Variants in TBC1D22B observed in about 807,000 individuals in gnomAD.
TBC1D22B encodes the protein TBC1 domain family member 22B, also known as chromosome 6 open reading frame 197.
In TBC1D22B, 32 loss-of-function variants were observed where a neutral mutation model predicts 69.1. The observed-to-expected ratio is 0.46, with a 90% confidence interval of 0.35 to 0.62. TBC1D22B has a LOEUF of 0.62. Among genes scored for constraint, TBC1D22B ranks in the 20% least tolerant of loss-of-function variants. The pLI is 0.00. For missense variants in TBC1D22B, 462 were observed against 630.9 expected (o/e 0.73, Z 2.87); for synonymous variants, 206 against 229.8 (o/e 0.90, Z 0.94).
At chr6:37,306,965 C>T (rs763355576) in intron 8 of TBC1D22B, among the ~76,000 whole-genome samples, 46 of 152,354 alleles carry the variant, frequency 3.0e-4, no homozygotes, top group Non-Finnish European at 5.9e-4. Flanking sequence ...CTCCAACCAT[C>T]TCATTGGAGT....
intron 1 of TBC1D22B, chr6:37,258,195 C>G: frequency 1.8e-6 from 1 of 560,060 alleles, no homozygotes; most frequent in Non-Finnish European, 3.2e-6. Context: ...GCGGAGGTTT[C>G]AGGAGGGGTG....
chr6:37,309,620 T>C (rs1418246520), intron 8 of TBC1D22B, among the ~76,000 whole-genome samples: 1 of 152,072 alleles, frequency 6.6e-6, no homozygotes, highest in Non-Finnish European at 1.5e-5. Context: ...TGCTCATGAA[T>C]AGGGAAAGGG....
Position 37,330,711 on chromosome 6 carries a change from A to G in TBC1D22B, c.1390-333A>G, listed in dbSNP as rs147324862. On this transcript the variant is annotated intron_variant, in intron 12 of 12. Coordinates refer to ENST00000373491, the MANE Select transcript of TBC1D22B (RefSeq NM_017772.4). Reference sequence around the variant, plus strand: ...TATGCATGTGAAGAAAAGACTGAAAATGAATACTTTAAGATTAAGAGAGGT... The same window carrying G: ...TATGCATGTGAAGAAAAGACTGAAAGTGAATACTTTAAGATTAAGAGAGGT... Among the ~76,000 whole-genome samples the G allele has an allele frequency of 4.1e-4, 62 of 152,350 alleles. No individual in the cohort carries two copies. In the East Asian group the frequency reaches 0.011, roughly 27 times the overall value.
chr6:37,319,425 G>C (rs1490436980), intron 12 of TBC1D22B, among the ~76,000 whole-genome samples: 1 of 152,238 alleles, frequency 6.6e-6, no homozygotes, highest in Non-Finnish European at 1.5e-5. Flanking sequence ...TCCCAGATCA[G>C]CTCAGGGAGG....
In TBC1D22B at chr6:37,279,551, G is replaced by A. The variant is rs755058140; in HGVS notation, c.361G>A (p.Val121Ile). Reference protein sequence around the residue: ...PERSQSTTSDVPANYKVIKSS... With the variant: ...PERSQSTTSDIPANYKVIKSS... ...ACGGTCCCAGTCAACGACATCGGAC[G>A]TCCCTGCCAACTACAAGGTCATAAA... The change falls in exon 3 of 13, where the codon GTC becomes ATC. Residue 121 changes from valine (V) to isoleucine (I), a missense_variant. Physicochemically the swap from Val to Ile is conservative, Grantham distance 29 (BLOSUM62 3). Coordinates refer to ENST00000373491, the MANE Select transcript of TBC1D22B (RefSeq NM_017772.4). 2.5e-5 allele frequency: 41 copies of A among 1,614,098 alleles called. No individual in the cohort carries two copies. The highest frequency in any genetic ancestry group is 4.5e-5 in the East Asian group (2 of 44,908).
intron 8 of TBC1D22B, among the ~76,000 whole-genome samples, chr6:37,307,562 G>A (rs1767765971): frequency 6.6e-6 from 1 of 151,960 alleles, no homozygotes; most frequent in South Asian, 2.1e-4. Flanking sequence ...CACCATATTG[G>A]CCAGGCTAGT....
chr6:37,281,375 C>T (rs957327778), intron 3 of TBC1D22B, among the ~76,000 whole-genome samples: 11 of 152,212 alleles, frequency 7.2e-5, no homozygotes, highest in African/African-American at 2.7e-4. Flanking sequence ...ATTCCCCCTA[C>T]CCACTATCTA....
At chr6:37,273,747 C>T (rs911818017) in intron 2 of TBC1D22B, among the ~76,000 whole-genome samples, 1 of 152,068 alleles carries the variant, frequency 6.6e-6, no homozygotes, top group Non-Finnish European at 1.5e-5. Flanking sequence ...AACATGGGGT[C>T]GCGTCTATGT....
chr6:37,331,806 A>C lies in TBC1D22B; in HGVS notation c.*634A>C, dbSNP rs949807806. On this transcript the variant is annotated 3_prime_UTR_variant, in exon 13 of 13. Transcript: ENST00000373491. Reference sequence around the variant, plus strand: ...TGTGTGTGGGTGTGAATGTGTATACATGCCCATCAGCATTTAGTCACATGT... The same window carrying C: ...TGTGTGTGGGTGTGAATGTGTATACCTGCCCATCAGCATTTAGTCACATGT... 2 of 152,604 alleles carry C rather than the reference A, an allele frequency of 1.3e-5. No individual in the cohort carries two copies. Among genetic ancestry groups the C allele is most frequent in the Non-Finnish European group, 2.9e-5 (2 of 68,056 alleles). 9.5% of individuals were successfully genotyped at this position (152,604 alleles called of 1,614,324 possible).
At position 37,293,170 on chromosome 6, in the gene TBC1D22B, C is replaced by T. The variant is rs1767247008; in HGVS notation, c.982+1813C>T. Among the ~76,000 whole-genome samples, 3 of 151,748 alleles carry T rather than the reference C, an allele frequency of 2.0e-5. No individual in the cohort carries two copies. The South Asian group carries it at 6.3e-4, about 32-fold the overall frequency. On this transcript the variant is annotated intron_variant, in intron 8 of 12. Transcript: ENST00000373491. ...TCGGCTCACAGCAACCTCCGCTGCCCGGGTTCAAGCGATTCTTGTGCCTCA... is the reference window on the plus strand; with the variant it reads ...TCGGCTCACAGCAACCTCCGCTGCCTGGGTTCAAGCGATTCTTGTGCCTCA...
intron 4 of TBC1D22B, 58 bp from the exon 5 acceptor site, chr6:37,282,824 G>T: frequency 1.3e-6 from 2 of 1,534,540 alleles, no homozygotes; most frequent in South Asian, 1.1e-5. Context: ...TGCTGGTTGC[G>T]GTTTGCTTTA....
At chr6:37,288,849 C>A (rs987745644) in intron 7 of TBC1D22B, among the ~76,000 whole-genome samples, 3 of 151,844 alleles carry the variant, frequency 2.0e-5, no homozygotes, top group Non-Finnish European at 4.4e-5. Context: ...TCCTGAATGA[C>A]CATTTCATCT....
chr6:37,296,115 AGTGGG>A (rs1767358256), intron 8 of TBC1D22B, among the ~76,000 whole-genome samples: 1 of 152,182 alleles, frequency 6.6e-6, no homozygotes, highest in Non-Finnish European at 1.5e-5. Context: ...TTTACTAATT[AGTGGG>A]GTGTGGTGGC....
intron 12 of TBC1D22B, among the ~76,000 whole-genome samples, chr6:37,323,654 AG>A (rs1345659516): frequency 2.0e-5 from 3 of 152,258 alleles, no homozygotes; most frequent in Admixed American, 1.3e-4. Context: ...TCAATAATAA[AG>A]TAAATGTAAA....
At chr6:37,277,322 C>A (rs77017749) in intron 2 of TBC1D22B, among the ~76,000 whole-genome samples, 8 of 152,134 alleles carry the variant, frequency 5.3e-5, no homozygotes, top group Admixed American at 5.2e-4. Context: ...TGTTTGTTCT[C>A]GACAGCGAAT....
intron 1 of TBC1D22B, among the ~76,000 whole-genome samples, chr6:37,259,617 A>G (rs1766004394): frequency 6.6e-6 from 1 of 152,134 alleles, no homozygotes; most frequent in Non-Finnish European, 1.5e-5. Context: ...TTAAAGCACT[A>G]CTTTTCTGAG....
At chr6:37,326,057 T>C (rs1768393125) in intron 12 of TBC1D22B, among the ~76,000 whole-genome samples, 1 of 152,084 alleles carries the variant, frequency 6.6e-6, no homozygotes, top group Admixed American at 6.6e-5. Context: ...ACTGGAAGAA[T>C]TGGAAATTAT....
intron 8 of TBC1D22B, 118 bp from the exon 9 acceptor site, chr6:37,312,800 A>G (rs1408380049): frequency 1.3e-6 from 1 of 750,748 alleles, no homozygotes; most frequent in Non-Finnish European, 2.3e-6. Context: ...GTTTCTTAAC[A>G]TCAGGTTAGC....
intron 8 of TBC1D22B, among the ~76,000 whole-genome samples, chr6:37,309,084 A>G (rs141214307): frequency 3.9e-5 from 6 of 152,328 alleles, no homozygotes; most frequent in African/African-American, 1.4e-4. Flanking sequence ...AGCACTTTTC[A>G]TATATTAACT....
Sources: allele counts gnomAD v4.1 joint callset (sites outside exome capture counted in the v4.1 genomes callset), GRCh38; gene constraint gnomAD v4.1.1; transcripts MANE v1.5; gene names NCBI Gene and HGNC (gene_info 2026-07-23, HGNC 2026-07-21).